The following DUX4 variants were observed in gnomAD, a reference collection of about 807,000 sequenced individuals.
DUX4 encodes double homeobox 4.
At chr4:190,178,245 T>G (rs1742412683), downstream of DUX4, among the ~76,000 whole-genome samples, 45 of 150,214 alleles carry the variant, frequency 3.0e-4, no homozygotes, top group Middle Eastern at 3.5e-3. Flanking sequence ...AGAGAAGAGT[T>G]GCATCACCTG....
At chr4:190,176,326 G>T (rs1173224645), downstream of DUX4, among the ~76,000 whole-genome samples, 10 of 112,228 alleles carry the variant, frequency 8.9e-5, 3 homozygotes, top group Non-Finnish European at 1.9e-4. Context: ...GCTTAGACAA[G>T]TGTTACATCA....
At chr4:190,176,535 A>G (rs1158816788), downstream of DUX4, among the ~76,000 whole-genome samples, 14 of 101,434 alleles carry the variant, frequency 1.4e-4, 3 homozygotes, top group Admixed American at 3.7e-4. Flanking sequence ...GACAAGTGTT[A>G]CATCACCTAG....
intron 1 of DUX4, among the ~76,000 whole-genome samples, chr4:190,181,752 A>T (rs1579838058): frequency 1.8e-4 from 27 of 147,644 alleles, no homozygotes; most frequent in East Asian, 3.9e-4. Flanking sequence ...ATCAGTGCAG[A>T]GATATGTAAC....
chr4:190,183,324 C>A (rs1270122227), intron 1 of DUX4: 1 of 108,890 alleles, frequency 9.2e-6, no homozygotes, highest in East Asian at 3.0e-4. Context: ...CCTGCTAAAT[C>A]ATGGACAAAA....
At chr4:190,177,272 G>GACCTA (rs1742356479), downstream of DUX4, among the ~76,000 whole-genome samples, 1 of 31,854 alleles carries the variant, frequency 3.1e-5, no homozygotes, top group African/African-American at 6.1e-5. Flanking sequence ...CCTGTAGGTG[G>GACCTA]GGCCTAGACA....
At position 190,175,253 on chromosome 4, in the gene DUX4, G is replaced by A. The variant is rs1468278795; in HGVS notation, c.*205G>A. 1.7e-4 allele frequency: 25 copies of A among 143,750 alleles called. No homozygotes were observed. The highest frequency in any genetic ancestry group is 3.6e-4 in the African/African-American group (12 of 33,792). 8.9% of individuals were successfully genotyped at this position (143,750 alleles called of 1,614,324 possible). A position where few individuals can be genotyped will look rare whatever the true frequency, so the allele number is the denominator to read the frequency against. On this transcript the variant is annotated 3_prime_UTR_variant, in exon 1 of 2. Coordinates refer to ENST00000565211, the MANE Select transcript of DUX4 (RefSeq NM_001306068.3). ...ACTGCCTTTCTTTCCTGGGCATCCC[G>A]GGGATCCCAGAGCCGGCCCAGGTAC...
downstream of DUX4, among the ~76,000 whole-genome samples, chr4:190,177,833 TA>T (rs1742389043): frequency 8.1e-5 from 12 of 148,116 alleles, no homozygotes; most frequent in South Asian, 2.1e-4. Context: ...AGACAAGGGT[TA>T]CATCACCTGG....
chr4:190,175,943 C>A (rs1434306252), downstream of DUX4: 2 of 110,482 alleles, frequency 1.8e-5, 1 homozygote, highest in Non-Finnish European at 4.2e-5. Flanking sequence ...GTGATCAGTG[C>A]AGATGTGTTT....
chr4:190,176,816 T>C, downstream of DUX4, among the ~76,000 whole-genome samples: 1 of 135,734 alleles, frequency 7.4e-6, no homozygotes, highest in South Asian at 2.5e-4. Context: ...TTGAATCACC[T>C]CAGAGATCAG....
chr4:190,183,332 A>T lies in DUX4; in HGVS notation n.93-2009A>T, dbSNP rs1363921686. The T allele has an allele frequency of 1.1e-3, 125 of 108,826 alleles. 34 individuals carry two copies. The highest frequency in any genetic ancestry group is 4.1e-3 in the South Asian group (12 of 2,906). The allele number at this position is 108,826 out of a possible 1,614,324, so 6.7% of individuals were successfully genotyped here. On this transcript the variant is annotated intron_variant and non_coding_transcript_variant, in intron 1 of 2. Transcript: ENST00000563716. ...GTGTGTTCCTGCTAAATCATGGACA[A>T]AACGGGTCCCCAGGAGCTACAGGCT...
chr4:190,177,102 T>C (rs1742341725), downstream of DUX4, among the ~76,000 whole-genome samples: 2 of 152,218 alleles, frequency 1.3e-5, no homozygotes, highest in East Asian at 1.9e-4. Context: ...GGGTGATCAG[T>C]GCAGAGATAT....
chr4:190,178,028 C>T (rs1742400428), downstream of DUX4, among the ~76,000 whole-genome samples: 2,959 of 66,170 alleles, frequency 0.045, 1 homozygote, highest in South Asian at 0.089. Context: ...AAGCAGATCC[C>T]AGACAAGAGT....
In DUX4 at chr4:190,175,304, C is replaced by CGCGCGGGTTTGCAAGCAGCCGCCT. The variant is rs1742223096; in HGVS notation, c.*236+32_*236+33insAAGCAGCCGCCTGCGCGGGTTTGC. On this transcript the variant is annotated intron_variant, in intron 1 of 1. Transcript: ENST00000565211. ...CAGCAGGTGGGCCGCCTACTGCGCA[C>CGCGCGGGTTTGCAAGCAGCCGCCT]GCGCGGGTTTGCGGGCAGCCGCCTG... The CGCGCGGGTTTGCAAGCAGCCGCCT allele has an allele frequency of 1.3e-5, 1 of 79,270 alleles. No homozygotes were observed. Among genetic ancestry groups the CGCGCGGGTTTGCAAGCAGCCGCCT allele is most frequent in the African/African-American group, 4.0e-5 (1 of 24,858 alleles). 4.9% of individuals were successfully genotyped at this position (79,270 alleles called of 1,614,324 possible).
downstream of DUX4, among the ~76,000 whole-genome samples, chr4:190,178,680 G>GGGATATGTCACAAAGCTCCTTT (rs1742442610): frequency 6.7e-6 from 1 of 150,222 alleles, no homozygotes. Flanking sequence ...GATCAGTGCA[G>GGGATATGTCACAAAGCTCCTTT]AGATATGTCA....
At chr4:190,177,163 A>ATACATGTTACATCACCTGGGG (rs1742346232), downstream of DUX4, among the ~76,000 whole-genome samples, 1 of 113,642 alleles carries the variant, frequency 8.8e-6, no homozygotes, top group Non-Finnish European at 2.0e-5. Flanking sequence ...CATCACCTAG[A>ATACATGTTACATCACCTGGGG]TGATCTGTGC....
At chr4:190,177,164 T>A (rs2126567079), downstream of DUX4, among the ~76,000 whole-genome samples, 2 of 144,560 alleles carry the variant, frequency 1.4e-5, no homozygotes, top group Non-Finnish European at 3.1e-5. Context: ...ATCACCTAGA[T>A]GATCTGTGCA....
At chr4:190,182,351 ATTCGGG>A (rs1333541048) in intron 1 of DUX4, among the ~76,000 whole-genome samples, 383 of 62,508 alleles carry the variant, frequency 6.1e-3, no homozygotes, top group African/African-American at 0.015. Context: ...TCAAGTTTGG[ATTCGGG>A]TTCAGGTTAA....
At chr4:190,178,236 G>C (rs1553983389), downstream of DUX4, among the ~76,000 whole-genome samples, 66 of 85,632 alleles carry the variant, frequency 7.7e-4, no homozygotes, top group Middle Eastern at 6.9e-3. Context: ...GCAGAGCATA[G>C]AGAAGAGTTG....
chr4:190,176,152 A>C (rs1190176001), downstream of DUX4, among the ~76,000 whole-genome samples: 895 of 112,564 alleles, frequency 8.0e-3, 140 homozygotes, highest in African/African-American at 0.021. Context: ...CAGTGCAGAG[A>C]TATCTCACAA....
Sources: allele counts gnomAD v4.1 joint callset (sites outside exome capture counted in the v4.1 genomes callset), GRCh38; gene constraint gnomAD v4.1.1; transcripts MANE v1.5; gene names NCBI Gene and HGNC (gene_info 2026-07-23, HGNC 2026-07-21).